Variants in LRRC4C observed in about 807,000 individuals in gnomAD.
LRRC4C encodes leucine rich repeat containing 4C.
A neutral mutation model predicts 33.6 loss-of-function variants in LRRC4C; 5 were observed. That is an observed-to-expected ratio of 0.15 (90% CI 0.08 to 0.31). The LOEUF (loss-of-function observed/expected upper bound fraction) is 0.31, where lower values mean the gene tolerates loss of function less well. LRRC4C is among the 10% of genes least tolerant of loss of function. The probability of loss-of-function intolerance (pLI) is 1.00; values close to 1 mark genes in which losing one functional copy is unlikely to be tolerated. For missense variants in LRRC4C, 560 were observed against 796.7 expected (o/e 0.70, Z 3.58); for synonymous variants, 329 against 302.0 (o/e 1.09, Z -0.93).
chr11:41,222,006 T>C (rs1441366992), intron 1 of LRRC4C, among the ~76,000 whole-genome samples: 1 of 152,200 alleles, frequency 6.6e-6, no homozygotes, highest in Admixed American at 6.5e-5. Context: ...TTTGGATGTT[T>C]CACAACCAAA....
intron 2 of LRRC4C, among the ~76,000 whole-genome samples, chr11:40,857,695 A>T (rs1007550774): frequency 1.3e-5 from 2 of 152,148 alleles, no homozygotes; most frequent in African/African-American, 4.8e-5. Context: ...CAGGTAGATT[A>T]CTTGACCCTA....
chr11:40,349,567 C>T (rs1394918719), intron 3 of LRRC4C, among the ~76,000 whole-genome samples: 2 of 151,990 alleles, frequency 1.3e-5, no homozygotes, highest in African/African-American at 4.8e-5. Context: ...TACTGATTTC[C>T]TTTTGTGGAG....
chr11:41,420,010 G>A (rs1034335312), intron 1 of LRRC4C, among the ~76,000 whole-genome samples: 5 of 151,774 alleles, frequency 3.3e-5, no homozygotes, highest in African/African-American at 4.8e-5. Flanking sequence ...CAGTAATACC[G>A]CAGGCCTTCG....
At chr11:40,498,622 A>C (rs933658100) in intron 3 of LRRC4C, among the ~76,000 whole-genome samples, 5 of 152,180 alleles carry the variant, frequency 3.3e-5, no homozygotes, top group African/African-American at 1.2e-4. Flanking sequence ...CATAAGTAAA[A>C]TGTGATAATT....
intron 1 of LRRC4C, among the ~76,000 whole-genome samples, chr11:41,059,909 C>T (rs1858940022): frequency 6.6e-6 from 1 of 152,096 alleles, no homozygotes. Flanking sequence ...CCTGCAATTC[C>T]AGCTACTCGG....
chr11:40,893,236 G>A (rs1955798251), intron 2 of LRRC4C, among the ~76,000 whole-genome samples: 1 of 151,804 alleles, frequency 6.6e-6, no homozygotes, highest in South Asian at 2.1e-4. Flanking sequence ...GGCAAGTGTG[G>A]GTGTGGGTGT....
chr11:40,448,670 T>TC (rs1249045434), intron 3 of LRRC4C, among the ~76,000 whole-genome samples: 1 of 152,236 alleles, frequency 6.6e-6, no homozygotes, highest in Non-Finnish European at 1.5e-5. Context: ...TTGGGTTGGT[T>TC]CCAGGTTTTT....
At chr11:41,388,942 C>A (rs1953471440) in intron 1 of LRRC4C, among the ~76,000 whole-genome samples, 1 of 151,776 alleles carries the variant, frequency 6.6e-6, no homozygotes, top group Non-Finnish European at 1.5e-5. Context: ...AAGTTTAGAT[C>A]TAAATATAAG....
chr11:40,114,551 A>G lies in LRRC4C; in HGVS notation c.1742T>C (p.Met581Thr). 1 of 1,614,138 alleles carries G rather than the reference A, an allele frequency of 6.2e-7. No homozygotes were observed. The highest frequency in any genetic ancestry group is 1.1e-5 in the South Asian group (1 of 91,086). ...VDDEITGDTP[M>T]ESHLPMPAIE... ...AGCAGGCATGGGCAGGTGGCTTTCC[A>G]TGGGTGTGTCTCCCGTAATCTCATC... Residue 581 changes from methionine to threonine, a missense_variant, in exon 7 of 7, where the codon ATG becomes ACG. Physicochemically the swap from Met to Thr is moderately conservative, Grantham distance 81. Coordinates refer to ENST00000528697, the MANE Select transcript of LRRC4C (RefSeq NM_001258419.2).
At chr11:41,368,301 T>C (rs963868881) in intron 1 of LRRC4C, among the ~76,000 whole-genome samples, 4 of 152,206 alleles carry the variant, frequency 2.6e-5, no homozygotes, top group African/African-American at 9.7e-5. Context: ...GTGTCCAATT[T>C]GTTTGTCTTT....
At chr11:40,994,109 T>C (rs1357754424) in intron 1 of LRRC4C, among the ~76,000 whole-genome samples, 1 of 151,870 alleles carries the variant, frequency 6.6e-6, no homozygotes, top group Non-Finnish European at 1.5e-5. Flanking sequence ...TCAATTTTTT[T>C]GAAAACTATT....
chr11:41,176,633 T>C (rs1446918784), intron 1 of LRRC4C, among the ~76,000 whole-genome samples: 1 of 152,144 alleles, frequency 6.6e-6, no homozygotes, highest in African/African-American at 2.4e-5. Flanking sequence ...CTAATAGTTA[T>C]AAATACTGTA....
chr11:40,752,677 T>C (rs1948750713), intron 2 of LRRC4C, among the ~76,000 whole-genome samples: 1 of 151,906 alleles, frequency 6.6e-6, no homozygotes, highest in Non-Finnish European at 1.5e-5. Context: ...TTGGTGGGAC[T>C]GTAAATTAGT....
At chr11:40,901,359 G>A (rs1409002744) in intron 2 of LRRC4C, among the ~76,000 whole-genome samples, 1 of 152,086 alleles carries the variant, frequency 6.6e-6, no homozygotes, top group Admixed American at 6.6e-5. Flanking sequence ...CCAGGGCCAT[G>A]TAGCCTGCTT....
At chr11:40,267,918 G>T (rs1222629520) in intron 4 of LRRC4C, among the ~76,000 whole-genome samples, 1 of 152,092 alleles carries the variant, frequency 6.6e-6, no homozygotes, top group African/African-American at 2.4e-5. Flanking sequence ...TGCAATTACT[G>T]ACTTTCTGCT....
chr11:41,358,201 GA>G (rs2137641414), intron 1 of LRRC4C, among the ~76,000 whole-genome samples: 1 of 152,028 alleles, frequency 6.6e-6, no homozygotes, highest in African/African-American at 2.4e-5. Context: ...TTCACATGTT[GA>G]AAAAAATAAA....
intron 1 of LRRC4C, among the ~76,000 whole-genome samples, chr11:41,253,798 A>G (rs1434357278): frequency 6.6e-6 from 1 of 152,164 alleles, no homozygotes; most frequent in Non-Finnish European, 1.5e-5. Flanking sequence ...TTTAGATAAC[A>G]TAGAACTCTG....
At chr11:41,448,728 T>A (rs952968636) in intron 1 of LRRC4C, among the ~76,000 whole-genome samples, 2 of 152,250 alleles carry the variant, frequency 1.3e-5, no homozygotes, top group African/African-American at 4.8e-5. Context: ...CATTTCACAG[T>A]ATTTCTAAAT....
At chr11:40,371,331 C>A (rs1251418037) in intron 3 of LRRC4C, among the ~76,000 whole-genome samples, 5 of 152,046 alleles carry the variant, frequency 3.3e-5, no homozygotes, top group Admixed American at 6.6e-5. Context: ...GTCTCCTCTG[C>A]AAATGTAGAA....
Sources: gnomAD v4.1 joint callset for allele counts (sites outside exome capture counted in the v4.1 genomes callset) on GRCh38, gnomAD v4.1.1 for gene constraint, MANE v1.5 for transcripts, NCBI Gene and HGNC (gene_info 2026-07-23, HGNC 2026-07-21) for gene names.